The following SMG6 variants were observed in gnomAD, a reference collection of about 807,000 sequenced individuals.
SMG6 encodes the protein SMG6 nonsense mediated mRNA decay factor.
A neutral mutation model predicts 142.2 loss-of-function variants in SMG6; 66 were observed. That is an observed-to-expected ratio of 0.46 (90% CI 0.38 to 0.57). SMG6 has a LOEUF of 0.57. Ranked by LOEUF, SMG6 falls within the 20% of genes least tolerant of loss-of-function variation. The pLI is 0.00. For missense variants in SMG6, 1,793 were observed against 1,832.0 expected, an observed-to-expected ratio of 0.98 and a Z score of 0.39; for synonymous variants, 779 against 702.4, an observed-to-expected ratio of 1.11 and a Z score of -1.72.
intron 13 of SMG6, among the ~76,000 whole-genome samples, chr17:2,137,177 T>C (rs1163496119): frequency 1.3e-5 from 2 of 152,058 alleles, no homozygotes; most frequent in Middle Eastern, 3.4e-3. Flanking sequence ...AAAAAAAGGA[T>C]CCAGCTAAAA....
chr17:2,209,511 T>C (rs2072785568), intron 10 of SMG6, among the ~76,000 whole-genome samples: 1 of 152,112 alleles, frequency 6.6e-6, no homozygotes, highest in Non-Finnish European at 1.5e-5. Context: ...TACAGGTGTG[T>C]GTCACCACGC....
chr17:2,075,789 C>T (rs574188766), intron 15 of SMG6, among the ~76,000 whole-genome samples: 2 of 152,352 alleles, frequency 1.3e-5, no homozygotes, highest in East Asian at 1.9e-4. Context: ...CAAGACAGAG[C>T]GTGGGCTGAG....
At chr17:2,197,040 A>AG (rs1464845908) in intron 10 of SMG6, among the ~76,000 whole-genome samples, 1 of 152,238 alleles carries the variant, frequency 6.6e-6, no homozygotes, top group Admixed American at 6.5e-5. Flanking sequence ...TAAAACTCTT[A>AG]GAAAAAAATG....
Position 2,303,615 on chromosome 17 carries a change from C to G in SMG6, c.88+18G>C. 2 of 1,439,542 alleles carry G rather than the reference C, an allele frequency of 1.4e-6. No individual in the cohort carries two copies. Among genetic ancestry groups the G allele is most frequent in the Non-Finnish European group, 1.8e-6 (2 of 1,100,820 alleles). 89.2% of individuals were successfully genotyped at this position (1,439,542 alleles called of 1,614,324 possible). On this transcript the variant is annotated intron_variant, in intron 1 of 18. Coordinates refer to ENST00000263073, the MANE Select transcript of SMG6 (RefSeq NM_017575.5). ...GGGGCGGGCAGGCCCGGCCCAGGAG[C>G]TGGGCGGCGCGACTCACCTCTGCTC...
chr17:2,270,072 T>C (rs747837561), intron 8 of SMG6, among the ~76,000 whole-genome samples: 1 of 152,110 alleles, frequency 6.6e-6, no homozygotes, highest in African/African-American at 2.4e-5. Context: ...CTCAGGACTT[T>C]CCAAAGCTCT....
chr17:2,283,321 T>C (rs1424961752), intron 7 of SMG6, among the ~76,000 whole-genome samples: 5 of 152,174 alleles, frequency 3.3e-5, no homozygotes, highest in East Asian at 1.9e-4. Flanking sequence ...CATATAGTTA[T>C]TAATTCTGTA....
intron 13 of SMG6, among the ~76,000 whole-genome samples, chr17:2,144,148 T>TC (rs2070585673): frequency 2.2e-5 from 3 of 136,278 alleles, no homozygotes; most frequent in East Asian, 4.9e-4. Flanking sequence ...AATGTCCGCC[T>TC]CCCGGGTTCA....
intron 13 of SMG6, among the ~76,000 whole-genome samples, chr17:2,122,717 T>C (rs903585579): frequency 3.9e-5 from 6 of 152,154 alleles, no homozygotes; most frequent in African/African-American, 9.7e-5. Context: ...GTCGGCCCCA[T>C]ATACTGGCTT....
At chr17:2,106,479 A>G (rs974383601) in intron 13 of SMG6, among the ~76,000 whole-genome samples, 1 of 152,176 alleles carries the variant, frequency 6.6e-6, no homozygotes, top group Admixed American at 6.5e-5. Flanking sequence ...ACCTCAGAGG[A>G]GTCTATTTAC....
chr17:2,256,569 C>T (rs148817535), intron 8 of SMG6, among the ~76,000 whole-genome samples: 8,543 of 151,944 alleles, frequency 0.056, 788 homozygotes, highest in African/African-American at 0.19. Flanking sequence ...TGAGACCAGC[C>T]TGGGCCAACA....
chr17:2,270,611 G>GA (rs980472199), intron 8 of SMG6, among the ~76,000 whole-genome samples: 202 of 150,692 alleles, frequency 1.3e-3, no homozygotes, highest in African/African-American at 4.2e-3. Context: ...ATGTCTCAAG[G>GA]AAAAAAAAAA....
At position 2,180,129 on chromosome 17, in the gene SMG6, C is replaced by T. The variant is rs1277178885; in HGVS notation, c.3155+6534G>A. 2.0e-5 allele frequency among the ~76,000 whole-genome samples: 3 copies of T among 152,176 alleles called. No homozygotes were observed. The East Asian group carries it at 5.8e-4, about 29-fold the overall frequency. The stretch of plus-strand genomic sequence containing the variant: ...GGTCCATGAAGCCTGTCGCTCTACT[C>T]CTCTCCAGCACGACTTTCCTTGTGC... On this transcript the variant is annotated intron_variant, in intron 12 of 18. Coordinates refer to ENST00000263073, the MANE Select transcript of SMG6 (RefSeq NM_017575.5).
intron 8 of SMG6, among the ~76,000 whole-genome samples, chr17:2,277,729 G>C (rs573941511): frequency 7.9e-5 from 12 of 152,282 alleles, no homozygotes; most frequent in African/African-American, 2.6e-4. Context: ...GTTATACATA[G>C]TACTATCCTC....
chr17:2,231,174 GTC>G (rs1344629813), intron 10 of SMG6, among the ~76,000 whole-genome samples: 1 of 152,130 alleles, frequency 6.6e-6, no homozygotes, highest in Non-Finnish European at 1.5e-5. Flanking sequence ...TTTTCTGAAC[GTC>G]TCTGAGATTG....
chr17:2,278,852 C>G (rs1176570294), intron 8 of SMG6, among the ~76,000 whole-genome samples: 1 of 152,190 alleles, frequency 6.6e-6, no homozygotes, highest in East Asian at 1.9e-4. Flanking sequence ...CAATACCTGA[C>G]AGCCAAACTT....
rs1377117722 is a variant in SMG6, at chr17:2,303,693, T to C, written c.28A>G (p.Ile10Val). MAEGLERVR[I>V]SASELRGILA... The stretch of plus-strand genomic sequence containing the variant: ...ATCCCGCGCAGCTCCGACGCGGAGA[T>C]CCGCACACGCTCCAGCCCTTCCGCC... The change falls in exon 1 of 19, where the codon ATC (isoleucine) becomes GTC (valine). Residue 10 changes from isoleucine (I) to valine (V), a missense_variant. Physicochemically the swap from Ile to Val is conservative, Grantham distance 29. Around this residue, in one of 3 missense-constraint regions of SMG6, gnomAD observed 1,597 missense variants for 1,584.6 expected, o/e 1.01. Transcript: ENST00000263073. 1 of 1,496,772 alleles carries C rather than the reference T, an allele frequency of 6.7e-7. No homozygotes were observed. Among genetic ancestry groups the C allele is most frequent in the Admixed American group, 2.2e-5 (1 of 45,992 alleles). The allele number at this position is 1,496,772 out of a possible 1,614,324, so 92.7% of individuals were successfully genotyped here.
chr17:2,104,976 G>A (rs1224984729), intron 13 of SMG6, among the ~76,000 whole-genome samples: 2 of 151,932 alleles, frequency 1.3e-5, no homozygotes, highest in Non-Finnish European at 2.9e-5. Context: ...GAGTGCAATG[G>A]TGTGATCTTG....
intron 13 of SMG6, among the ~76,000 whole-genome samples, chr17:2,145,406 T>C (rs963785838): frequency 6.6e-6 from 1 of 151,490 alleles, no homozygotes; most frequent in Non-Finnish European, 1.5e-5. Context: ...CGTGAGCCAC[T>C]GTGCCCAGCC....
In SMG6 at chr17:2,303,651, G is replaced by A; in HGVS notation, c.70C>T (p.Pro24Ser). 1 of 1,489,332 alleles carries A rather than the reference G, an allele frequency of 6.7e-7. No homozygotes were observed. Among genetic ancestry groups the A allele is most frequent in the Non-Finnish European group, 8.9e-7 (1 of 1,126,378 alleles). The allele number at this position is 1,489,332 out of a possible 1,614,324, so 92.3% of individuals were successfully genotyped here. A position where few individuals can be genotyped will look rare whatever the true frequency, so the allele number is the denominator to read the frequency against. The change falls in exon 1 of 19, where the codon CCG (proline) becomes TCG (serine). Residue 24 changes from proline to serine, a missense_variant. Pro to Ser is a moderately conservative substitution (Grantham distance 74). Coordinates refer to ENST00000263073, the MANE Select transcript of SMG6 (RefSeq NM_017575.5). Reference protein sequence around the residue: ...ELRGILATLAPQAGSRENMKE... With the variant: ...ELRGILATLASQAGSRENMKE... ...GACTCACCTCTGCTCCCGGCCTGCG[G>A]GGCCAGAGTAGCCAGGATCCCGCGC...
Sources: gnomAD v4.1 joint callset for allele counts (sites outside exome capture counted in the v4.1 genomes callset) on GRCh38, gnomAD v4.1.1 for gene constraint, gnomAD v4.1.1 regional missense constraint, MANE v1.5 for transcripts, NCBI Gene and HGNC (gene_info 2026-07-23, HGNC 2026-07-21) for gene names.